Variants in TAFA5 observed in about 807,000 individuals in gnomAD.
TAFA5 encodes the protein chemokine-like protein TAFA-5.
In TAFA5, 6 loss-of-function variants were observed where a neutral mutation model predicts 15.3. That is an observed-to-expected ratio of 0.39 (90% CI 0.21 to 0.77). The LOEUF (loss-of-function observed/expected upper bound fraction) is 0.77. Ranked by LOEUF, TAFA5 falls within the 30% of genes least tolerant of loss-of-function variation. The pLI, the probability that TAFA5 is intolerant of heterozygous loss-of-function variation, is 0.41. For synonymous variants in TAFA5, 103 were observed against 80.7 expected, an observed-to-expected ratio of 1.28 and a Z score of -1.48; for missense variants, 161 against 193.1, an observed-to-expected ratio of 0.83 and a Z score of 0.98.
intron 1 of TAFA5, among the ~76,000 whole-genome samples, chr22:48,632,668 G>A (rs1926274906): frequency 6.6e-6 from 1 of 152,212 alleles, no homozygotes; most frequent in African/African-American, 2.4e-5. Flanking sequence ...CTCTGTGTTG[G>A]GCATTGAAGG....
intron 2 of TAFA5, among the ~76,000 whole-genome samples, chr22:48,653,849 C>G (rs972963020): frequency 6.6e-6 from 1 of 152,102 alleles, no homozygotes; most frequent in Non-Finnish European, 1.5e-5. Flanking sequence ...CCAGCATTCA[C>G]GGGCACTACG....
intron 3 of TAFA5, among the ~76,000 whole-genome samples, chr22:48,709,056 A>T (rs1225448157): frequency 6.6e-6 from 1 of 152,168 alleles, no homozygotes; most frequent in Non-Finnish European, 1.5e-5. Flanking sequence ...GAGATGGGCA[A>T]GGCGGCACTC....
At chr22:48,512,125 G>A (rs1032853491) in intron 1 of TAFA5, among the ~76,000 whole-genome samples, 7 of 152,198 alleles carry the variant, frequency 4.6e-5, no homozygotes, top group African/African-American at 1.7e-4. Context: ...AGGCTGCAAG[G>A]TGACTGAGCC....
chr22:48,659,343 C>T (rs1320594604), intron 2 of TAFA5, among the ~76,000 whole-genome samples: 1 of 152,228 alleles, frequency 6.6e-6, no homozygotes, highest in African/African-American at 2.4e-5. Flanking sequence ...CATTCACAGC[C>T]CAGCCCACCG....
intron 2 of TAFA5, among the ~76,000 whole-genome samples, chr22:48,685,634 T>C (rs1489241772): frequency 6.6e-6 from 1 of 151,744 alleles, no homozygotes; most frequent in Admixed American, 6.6e-5. Context: ...TATTGAGGGG[T>C]GTCTAATCTC....
intron 1 of TAFA5, among the ~76,000 whole-genome samples, chr22:48,602,721 T>C (rs1485699051): frequency 6.6e-6 from 1 of 152,184 alleles, no homozygotes; most frequent in African/African-American, 2.4e-5. Context: ...CTCAGGGGAC[T>C]GTGTGGCCTT....
At chr22:48,596,457 G>A (rs1211384995) in intron 1 of TAFA5, among the ~76,000 whole-genome samples, 3 of 152,204 alleles carry the variant, frequency 2.0e-5, no homozygotes, top group Admixed American at 6.5e-5. Context: ...TGAGAGTGTG[G>A]TTTTATTACT....
chr22:48,621,647 C>T (rs1038912738), intron 1 of TAFA5, among the ~76,000 whole-genome samples: 17 of 152,188 alleles, frequency 1.1e-4, no homozygotes, highest in Non-Finnish European at 1.5e-5. Context: ...CGCAGAGTGG[C>T]CCAGCCTGCG....
At chr22:48,638,090 G>A (rs1366750680) in intron 1 of TAFA5, among the ~76,000 whole-genome samples, 3 of 152,092 alleles carry the variant, frequency 2.0e-5, no homozygotes, top group Non-Finnish European at 2.9e-5. Context: ...TCACCTGCGG[G>A]TATCGGGGGC....
At chr22:48,661,161 C>G (rs986875383) in intron 2 of TAFA5, among the ~76,000 whole-genome samples, 1 of 152,196 alleles carries the variant, frequency 6.6e-6, no homozygotes, top group Non-Finnish European at 1.5e-5. Flanking sequence ...GTAGTCCACA[C>G]TGCAGTTGGG....
At chr22:48,744,321 G>A (rs1334274372) in intron 3 of TAFA5, among the ~76,000 whole-genome samples, 2 of 152,224 alleles carry the variant, frequency 1.3e-5, no homozygotes, top group Non-Finnish European at 1.5e-5. Context: ...ACAGACTGTG[G>A]TTCTCTGGTG....
intron 1 of TAFA5, among the ~76,000 whole-genome samples, chr22:48,516,917 C>A (rs1292222234): frequency 2.0e-5 from 3 of 152,204 alleles, no homozygotes; most frequent in African/African-American, 7.2e-5. Flanking sequence ...GTCTGGCTGC[C>A]CTTACAGACT....
At chr22:48,673,203 T>C (rs4925433) in intron 2 of TAFA5, among the ~76,000 whole-genome samples, 17,075 of 152,272 alleles carry the variant, frequency 0.11, 1,182 homozygotes, top group Admixed American at 0.23. Context: ...CTTTGAACTT[T>C]GGGGGAACTC....
At chr22:48,633,536 C>G (rs200839298) in intron 1 of TAFA5, among the ~76,000 whole-genome samples, 4 of 123,144 alleles carry the variant, frequency 3.2e-5, no homozygotes, top group Non-Finnish European at 3.5e-5. Flanking sequence ...CTGTCTGTCT[C>G]TCCCTCTCTC....
At chr22:48,678,132 CCTCTTTCCTGAATT>C (rs1928034486) in intron 2 of TAFA5, among the ~76,000 whole-genome samples, 1 of 152,232 alleles carries the variant, frequency 6.6e-6, no homozygotes, top group African/African-American at 2.4e-5. Flanking sequence ...CTCCCTCAAA[CCTCTTTCCTGAATT>C]CTCTTTCCTG....
intron 2 of TAFA5, among the ~76,000 whole-genome samples, chr22:48,687,141 T>A (rs1472700504): frequency 1.3e-5 from 2 of 150,906 alleles, no homozygotes; most frequent in Non-Finnish European, 3.0e-5. Flanking sequence ...GATAGATAGG[T>A]GGATGGATGG....
chr22:48,511,667 C>T (rs1000220906), intron 1 of TAFA5, among the ~76,000 whole-genome samples: 4 of 152,214 alleles, frequency 2.6e-5, no homozygotes, highest in African/African-American at 9.6e-5. Context: ...CCTAGAAAGG[C>T]ATTCTCCATT....
chr22:48,683,970 G>A (rs1274774747), intron 2 of TAFA5, among the ~76,000 whole-genome samples: 3 of 152,096 alleles, frequency 2.0e-5, no homozygotes, highest in Non-Finnish European at 4.4e-5. Flanking sequence ...TTCCTCTGTG[G>A]CCTCCCCAGC....
intron 1 of TAFA5, chr22:48,546,855 G>A (rs1043447810): frequency 2.1e-5 from 6 of 290,200 alleles, no homozygotes; most frequent in Admixed American, 9.3e-5. Flanking sequence ...CGGGGAGGAC[G>A]ATTGCGGATG....
Sources: gnomAD v4.1 joint callset for allele counts (sites outside exome capture counted in the v4.1 genomes callset) on GRCh38, gnomAD v4.1.1 for gene constraint, MANE v1.5 for transcripts, NCBI Gene and HGNC (gene_info 2026-07-23, HGNC 2026-07-21) for gene names.